The following CCND3 variants were observed in gnomAD, a reference collection of about 807,000 sequenced individuals.
CCND3 encodes cyclin D3.
A neutral mutation model predicts 28.7 loss-of-function variants in CCND3; 9 were observed. The observed-to-expected ratio is 0.31, with a 90% CI of 0.19 to 0.55. The LOEUF (loss-of-function observed/expected upper bound fraction) is 0.55. Ranked by LOEUF, CCND3 falls within the 20% of genes least tolerant of loss-of-function variation. The pLI, the probability that CCND3 is intolerant of heterozygous loss-of-function variation, is 0.93. For synonymous variants in CCND3, 164 were observed against 163.9 expected, an observed-to-expected ratio of 1.00 and a Z score of 0.00; for missense variants, 315 against 385.8, an observed-to-expected ratio of 0.82 and a Z score of 1.54.
At chr6:41,999,411 G>A (rs980074336) in intron 1 of CCND3, among the ~76,000 whole-genome samples, 1 of 151,894 alleles carries the variant, frequency 6.6e-6, no homozygotes, top group Non-Finnish European at 1.5e-5. Context: ...ACCATGCCCG[G>A]CTAATTTTTG....
chr6:41,989,242 T>C (rs1189057847), intron 1 of CCND3, among the ~76,000 whole-genome samples: 3 of 151,826 alleles, frequency 2.0e-5, no homozygotes, highest in Non-Finnish European at 4.4e-5. Flanking sequence ...GTGGATCACC[T>C]GAGGTAAGGA....
chr6:42,020,625 C>T (rs1763681940), intron 1 of CCND3, among the ~76,000 whole-genome samples: 1 of 152,238 alleles, frequency 6.6e-6, no homozygotes, highest in African/African-American at 2.4e-5. Flanking sequence ...AAAGACCACT[C>T]GGCTCTCCGG....
At chr6:42,001,724 C>T (rs969184871) in intron 1 of CCND3, among the ~76,000 whole-genome samples, 5 of 151,770 alleles carry the variant, frequency 3.3e-5, no homozygotes, top group Non-Finnish European at 2.9e-5. Flanking sequence ...AAAAGCGGGG[C>T]GGGGGGCGGA....
chr6:41,949,626 T>G (rs1470496488), intron 1 of CCND3, among the ~76,000 whole-genome samples: 1 of 150,758 alleles, frequency 6.6e-6, no homozygotes, highest in African/African-American at 2.5e-5. Flanking sequence ...CTAAAATATC[T>G]ATATTACTTG....
rs976419113 is a variant in CCND3 at position 42,027,357 on chromosome 6, G to A, written c.-46+21144C>T. Among the ~76,000 whole-genome samples the A allele has an allele frequency of 4.0e-5, 6 of 151,816 alleles. No homozygotes were observed. In the East Asian group the frequency reaches 5.8e-4, roughly 15 times the overall value. On this transcript the variant is annotated intron_variant, in intron 1 of 4. Transcript: ENST00000372988. ...CGGTAGGCTGAGGCAGGAGAATGGC[G>A]TGAACGCGGGAGGCAGAGCTTGCAG...
chr6:42,034,435 C>T lies in CCND3; in HGVS notation c.-46+14066G>A, dbSNP rs570182547. Among the ~76,000 whole-genome samples, 8 of 134,814 alleles carry T rather than the reference C, an allele frequency of 5.9e-5. No individual in the cohort carries two copies. In the South Asian group the frequency reaches 1.0e-3, roughly 17 times the overall value. 88.4% of individuals were successfully genotyped at this position (134,814 alleles called of 152,430 possible). ...AGTGCTGGGATTATGGGATTACAGG[C>T]GTGAGCCACCGTGCCTGGCCAACCC... On this transcript the variant is annotated intron_variant, in intron 1 of 4. Coordinates refer to the CCND3 transcript ENST00000372988.
chr6:41,988,889 C>T (rs1762569779), intron 1 of CCND3, among the ~76,000 whole-genome samples: 2 of 151,096 alleles, frequency 1.3e-5, no homozygotes, highest in South Asian at 2.1e-4. Context: ...TTAGCAGAGA[C>T]GGGGTTTCAC....
At chr6:42,002,198 C>A (rs1763031719) in intron 1 of CCND3, among the ~76,000 whole-genome samples, 1 of 148,906 alleles carries the variant, frequency 6.7e-6, no homozygotes, top group Non-Finnish European at 1.5e-5. Context: ...GTAATCACAG[C>A]ACTTTGGGAG....
At chr6:42,037,301 G>A (rs1437084430) in intron 1 of CCND3, among the ~76,000 whole-genome samples, 9 of 148,062 alleles carry the variant, frequency 6.1e-5, no homozygotes, top group Non-Finnish European at 1.2e-4. Context: ...GCAGTGGCAC[G>A]ATCTCGGCTC....
chr6:41,951,562 ACACAC>A (rs1561958125), intron 1 of CCND3, among the ~76,000 whole-genome samples: 2 of 89,082 alleles, frequency 2.2e-5, no homozygotes, highest in Admixed American at 1.1e-4. Flanking sequence ...ACACACACAC[ACACAC>A]ACACACACAA....
In CCND3 at chr6:42,048,631, C is replaced by A. The variant is rs531442778; in HGVS notation, c.-176G>T. On this transcript the variant is annotated 5_prime_UTR_variant, in exon 1 of 5. Transcript: ENST00000372988. This position sits in a 1 kb window ranked among gnomAD's most constrained non-coding sequence, Gnocchi z 4.7. ...GCCGCGAGGAGAGGATTGCACCTCT[C>A]CCCCCCGGCCGGCATCCGAACAGAG... 3.9e-6 allele frequency: 2 copies of A among 516,400 alleles called. No homozygotes were observed. Among genetic ancestry groups the A allele is most frequent in the East Asian group, 5.5e-5 (1 of 18,174 alleles). 32.0% of individuals were successfully genotyped at this position (516,400 alleles called of 1,614,324 possible).
chr6:42,042,912 C>T (rs945554042), intron 1 of CCND3, among the ~76,000 whole-genome samples: 22 of 152,176 alleles, frequency 1.4e-4, no homozygotes, highest in East Asian at 1.9e-4. Context: ...AGCTAGGACT[C>T]GAAGTGGGGT....
At chr6:42,009,117 G>A (rs1213756463) in intron 1 of CCND3, among the ~76,000 whole-genome samples, 1 of 152,186 alleles carries the variant, frequency 6.6e-6, no homozygotes, top group East Asian at 1.9e-4. Context: ...ACTACTGGGG[G>A]CTCAACTTCC....
At position 42,034,468 on chromosome 6, in the gene CCND3, C is replaced by CTCT. The variant is rs1554168156; in HGVS notation, c.-46+14032_-46+14033insAGA. Among the ~76,000 whole-genome samples, 210 of 50,994 alleles carry CTCT rather than the reference C, an allele frequency of 4.1e-3. 13 individuals carry two copies. Among genetic ancestry groups the CTCT allele is most frequent in the East Asian group, 0.013 (20 of 1,488 alleles). The allele number at this position is 50,994 out of a possible 152,430, so 33.5% of individuals were successfully genotyped here. A position where few individuals can be genotyped will look rare whatever the true frequency, so the allele number is the denominator to read the frequency against. ...ACCGTGCCTGGCCAACCCTGTCACT[C>CTCT]TTTTTTTTTTTTTTTTTTTTTTTTT... On this transcript the variant is annotated intron_variant, in intron 1 of 4. Transcript: ENST00000372988.
rs1161516002 is a variant in CCND3, at chr6:41,936,626, A to C, written c.644T>G (p.Leu215Arg). Residue 215 changes from leucine to arginine, a missense_variant, in exon 4 of 5, where the codon CTG becomes CGG. Physicochemically the swap from Leu to Arg is moderately radical, Grantham distance 102 (BLOSUM62 -2). Transcript: ENST00000372991. This position sits in a 1 kb window ranked among gnomAD's most constrained non-coding sequence, Gnocchi z 4.4. ...ATCCCCGGACATGGAGCAGGCACCC[A>C]GGCCTTGCACTGCAGCCCCAATGCT... Reference protein sequence around the residue: ...TGSIGAAVQGLGACSMSGDEL... With the variant: ...TGSIGAAVQGRGACSMSGDEL... 2 of 1,614,204 alleles carry C rather than the reference A, an allele frequency of 1.2e-6. No individual in the cohort carries two copies. Among genetic ancestry groups the C allele is most frequent in the Non-Finnish European group, 1.7e-6 (2 of 1,180,008 alleles).
chr6:41,945,924 G>A (rs1280495903), upstream of CCND3, among the ~76,000 whole-genome samples: 3 of 152,180 alleles, frequency 2.0e-5, no homozygotes, highest in Non-Finnish European at 1.5e-5. Context: ...TACCCTTTCT[G>A]TTATGAACAT....
chr6:41,984,902 C>T (rs1438005012), intron 1 of CCND3, among the ~76,000 whole-genome samples: 1 of 152,206 alleles, frequency 6.6e-6, no homozygotes, highest in East Asian at 1.9e-4. Flanking sequence ...CAGCCATGCA[C>T]ATACCTTCTT....
chr6:42,044,729 A>G (rs1264675576), intron 1 of CCND3, among the ~76,000 whole-genome samples: 1 of 149,166 alleles, frequency 6.7e-6, no homozygotes, highest in Non-Finnish European at 1.5e-5. Context: ...CTGACCTCTC[A>G]CCTCCTGCAT....
chr6:41,992,637 C>T (rs546792553), intron 1 of CCND3, among the ~76,000 whole-genome samples: 43 of 151,902 alleles, frequency 2.8e-4, no homozygotes, highest in African/African-American at 8.0e-4. Flanking sequence ...TTAGTACAGA[C>T]GGGGTTTCAC....
Sources: gnomAD v4.1 joint callset for allele counts (sites outside exome capture counted in the v4.1 genomes callset) on GRCh38, gnomAD v4.1.1 for gene constraint, Gnocchi (gnomAD v3.1) non-coding constraint, MANE v1.5 for transcripts, NCBI Gene and HGNC (gene_info 2026-07-23, HGNC 2026-07-21) for gene names.